The following RYR2 variants were observed in gnomAD, a reference collection of about 807,000 sequenced individuals.
The protein encoded by RYR2 is cardiac muscle ryanodine receptor-calcium release channel.
In RYR2, 227 loss-of-function variants were observed where a neutral mutation model predicts 601.1. That is an observed-to-expected ratio of 0.38 (90% CI 0.34 to 0.42). RYR2 has a LOEUF of 0.42. Ranked by LOEUF, RYR2 falls within the 10% of genes least tolerant of loss-of-function variation. The pLI is 1.00. For synonymous variants in RYR2, 2,223 were observed against 2,175.1 expected (o/e 1.02, Z -0.61); for missense variants, 4,646 against 6,156.5 (o/e 0.75, Z 8.21).
chr1:237,735,124 T>C (rs559952098), intron 79 of RYR2, among the ~76,000 whole-genome samples: 2 of 152,260 alleles, frequency 1.3e-5, no homozygotes, highest in African/African-American at 4.8e-5. Context: ...TGCTGTGAGA[T>C]TGAGCAAGGT....
chr1:237,641,252 A>T (rs1467025700), intron 47 of RYR2, among the ~76,000 whole-genome samples: 1 of 152,222 alleles, frequency 6.6e-6, no homozygotes, highest in Non-Finnish European at 1.5e-5. Context: ...TCTGAAACTC[A>T]TACAGCCTCC....
chr1:237,254,130 C>T (rs187692464), intron 1 of RYR2, among the ~76,000 whole-genome samples: 1 of 152,174 alleles, frequency 6.6e-6, no homozygotes, highest in East Asian at 1.9e-4. Flanking sequence ...TATACCATGC[C>T]CCATGTTTTT....
intron 103 of RYR2, 77 bp from the exon 104 acceptor site, chr1:237,831,437 C>G: frequency 1.2e-6 from 1 of 817,828 alleles, no homozygotes; most frequent in East Asian, 2.5e-5. Context: ...TGCAACCATA[C>G]AATTTATCTA....
chr1:237,773,694 G>A, intron 87 of RYR2, 46 bp downstream of exon 87: 1 of 1,540,084 alleles, frequency 6.5e-7, no homozygotes, highest in African/African-American at 1.4e-5. Flanking sequence ...GAACTCCATA[G>A]AAAAATGCAG....
chr1:237,626,153 T>G (rs1679625004), intron 40 of RYR2, among the ~76,000 whole-genome samples: 1 of 152,218 alleles, frequency 6.6e-6, no homozygotes, highest in African/African-American at 2.4e-5. Flanking sequence ...TTGCATCAAA[T>G]TAAACTTTTT....
chr1:237,116,939 C>T (rs1482277158), intron 1 of RYR2, among the ~76,000 whole-genome samples: 1 of 152,204 alleles, frequency 6.6e-6, no homozygotes, highest in Non-Finnish European at 1.5e-5. Context: ...AACACCCATA[C>T]AGACACACCC....
intron 27 of RYR2, among the ~76,000 whole-genome samples, chr1:237,565,662 A>G (rs1482550836): frequency 2.0e-5 from 3 of 152,182 alleles, no homozygotes; most frequent in Admixed American, 1.3e-4. Context: ...TAGTTGTGCG[A>G]TGTTGGTCAA....
chr1:237,588,860 C>T (rs1674829104), intron 29 of RYR2, among the ~76,000 whole-genome samples: 5 of 150,190 alleles, frequency 3.3e-5, no homozygotes, highest in African/African-American at 1.2e-4. Context: ...CATAAACACC[C>T]ATCCCTGAAG....
At chr1:237,764,542 G>A (rs1020438834) in intron 84 of RYR2, among the ~76,000 whole-genome samples, 1 of 151,032 alleles carries the variant, frequency 6.6e-6, no homozygotes, top group Non-Finnish European at 1.5e-5. Context: ...TCCACTTCCC[G>A]GGTTCAAGCG....
chr1:237,410,583 T>A (rs1030701190), intron 10 of RYR2, among the ~76,000 whole-genome samples: 1 of 152,288 alleles, frequency 6.6e-6, no homozygotes, highest in East Asian at 1.9e-4. Context: ...TAAAAACATA[T>A]TGTCTATGTT....
chr1:237,184,246 A>C (rs1468285053), intron 1 of RYR2, among the ~76,000 whole-genome samples: 2 of 151,654 alleles, frequency 1.3e-5, no homozygotes, highest in East Asian at 3.9e-4. Flanking sequence ...TCCCAGGAGC[A>C]GAGGACTGGG....
At chr1:237,529,760 T>TACACACACACACACAC (rs71561882) in intron 24 of RYR2, among the ~76,000 whole-genome samples, 1,728 of 134,510 alleles carry the variant, frequency 0.013, 22 homozygotes, top group Non-Finnish European at 0.014. Context: ...AATAATATCA[T>TACACACACACACACAC]ACACACACAC....
Position 237,606,857 on chromosome 1 carries a change from A to G in RYR2, c.4684-3905A>G, listed in dbSNP as rs535449912. On this transcript the variant is annotated intron_variant, in intron 35 of 104. Coordinates refer to ENST00000366574, the MANE Select transcript of RYR2 (RefSeq NM_001035.3). ...CATCAATGGCCATCAGAGAAATGCAATCAAAACCACAATGAGATACCATCT... is the reference window on the plus strand; with the variant it reads ...CATCAATGGCCATCAGAGAAATGCAGTCAAAACCACAATGAGATACCATCT... Among the ~76,000 whole-genome samples the G allele has an allele frequency of 4.6e-5, 7 of 152,340 alleles. No individual in the cohort carries two copies. In the South Asian group the frequency reaches 1.4e-3, roughly 32 times the overall value.
At chr1:237,621,063 T>A (rs55979532) in intron 38 of RYR2, among the ~76,000 whole-genome samples, 1,615 of 150,084 alleles carry the variant, frequency 0.011, 35 homozygotes, top group African/African-American at 0.037. Flanking sequence ...ATCATACACA[T>A]TTTTTTATCA....
intron 1 of RYR2, among the ~76,000 whole-genome samples, chr1:237,058,038 A>G (rs1662384302): frequency 6.6e-6 from 1 of 152,208 alleles, no homozygotes; most frequent in Non-Finnish European, 1.5e-5. Flanking sequence ...TTGGTGATGA[A>G]ATAATCCAGC....
Position 237,350,262 on chromosome 1 carries a change from G to C in RYR2, c.274-5703G>C, listed in dbSNP as rs183206701. On this transcript the variant is annotated intron_variant, in intron 3 of 104. Coordinates refer to ENST00000366574, the MANE Select transcript of RYR2 (RefSeq NM_001035.3). ...TGTGGTAAAGTTGAATCTAAAGAAA[G>C]CTGGTATAACTATGTTAATATCTGA... Among the ~76,000 whole-genome samples, 1,052 of 151,984 alleles carry C rather than the reference G, an allele frequency of 6.9e-3. 12 individuals carry two copies. The highest frequency in any genetic ancestry group is 8.4e-3 in the Non-Finnish European group (571 of 67,950).
chr1:237,170,346 T>C (rs1257717293), intron 1 of RYR2, among the ~76,000 whole-genome samples: 3 of 152,122 alleles, frequency 2.0e-5, no homozygotes, highest in Admixed American at 2.0e-4. Flanking sequence ...TCCACATGTT[T>C]GAAGGCATCG....
At chr1:237,208,936 GTATATATATATATA>G (rs56133827) in intron 1 of RYR2, among the ~76,000 whole-genome samples, 5,726 of 89,740 alleles carry the variant, frequency 0.064, 242 homozygotes, top group African/African-American at 0.1. Context: ...ATGTGTGTGT[GTATATATATATATA>G]TATATATATA....
intron 1 of RYR2, among the ~76,000 whole-genome samples, chr1:237,089,290 T>C (rs745470081): frequency 5.3e-5 from 8 of 152,264 alleles, no homozygotes; most frequent in Non-Finnish European, 1.0e-4. Context: ...GCAGAGCCTT[T>C]TCTTCCCATT....
Sources: gnomAD v4.1 joint callset for allele counts (sites outside exome capture counted in the v4.1 genomes callset) on GRCh38, gnomAD v4.1.1 for gene constraint, MANE v1.5 for transcripts, NCBI Gene and HGNC (gene_info 2026-07-23, HGNC 2026-07-21) for gene names.